FHIT: variants seen among roughly 807,000 people sequenced by gnomAD.
The protein encoded by FHIT is bis(5'-adenosyl)-triphosphatase.
A neutral mutation model predicts 17.9 loss-of-function variants in FHIT; 19 were observed. The ratio of observed to expected loss-of-function variants is 1.06; its 90% CI spans 0.74 to 1.56. FHIT has a LOEUF of 1.56. Among genes scored for constraint, FHIT ranks in the 40% most tolerant of loss-of-function variants. The pLI is 0.00. For missense variants in FHIT, 248 were observed against 189.2 expected, an observed-to-expected ratio of 1.31 and a Z score of -1.82; for synonymous variants, 81 against 69.7, an observed-to-expected ratio of 1.16 and a Z score of -0.81.
intron 7 of FHIT, among the ~76,000 whole-genome samples, chr3:60,005,350 G>A (rs1575863811): frequency 6.6e-6 from 1 of 152,160 alleles, no homozygotes; most frequent in Non-Finnish European, 1.5e-5. Flanking sequence ...GGGCCTGAGG[G>A]TTTAGTAGGA....
intron 7 of FHIT, among the ~76,000 whole-genome samples, chr3:59,962,606 C>T (rs1707738693): frequency 6.6e-6 from 1 of 152,212 alleles, no homozygotes; most frequent in Admixed American, 6.5e-5. Context: ...GTTTAATCCT[C>T]AGGCTTGTTG....
At chr3:60,175,087 T>C (rs1358667164) in intron 5 of FHIT, among the ~76,000 whole-genome samples, 3 of 152,214 alleles carry the variant, frequency 2.0e-5, no homozygotes, top group Non-Finnish European at 4.4e-5. Context: ...TCGAATTTTA[T>C]CTTCTGTGAC....
intron 2 of FHIT, among the ~76,000 whole-genome samples, chr3:61,149,189 T>C (rs1402362187): frequency 6.6e-6 from 1 of 152,136 alleles, no homozygotes; most frequent in African/African-American, 2.4e-5. Flanking sequence ...CCATTGAAAT[T>C]GGACCAGTGG....
intron 8 of FHIT, among the ~76,000 whole-genome samples, chr3:59,821,755 TAAAAA>T (rs915084587): frequency 3.3e-5 from 5 of 151,858 alleles, no homozygotes; most frequent in Admixed American, 1.3e-4. Flanking sequence ...AGTTTTTTTT[TAAAAA>T]AAATATATAA....
chr3:60,962,426 T>C (rs1259509025), intron 3 of FHIT, among the ~76,000 whole-genome samples: 3 of 152,214 alleles, frequency 2.0e-5, no homozygotes, highest in African/African-American at 7.2e-5. Flanking sequence ...CTTTATTTCT[T>C]TCTCTTGCCT....
chr3:60,079,276 A>T (rs1344313288), intron 5 of FHIT, among the ~76,000 whole-genome samples: 1 of 152,160 alleles, frequency 6.6e-6, no homozygotes, highest in East Asian at 1.9e-4. Context: ...TCAGGAGCAG[A>T]AACACAGGCT....
chr3:60,713,896 C>G (rs1317244944), intron 4 of FHIT, among the ~76,000 whole-genome samples: 2 of 151,302 alleles, frequency 1.3e-5, no homozygotes, highest in Non-Finnish European at 2.9e-5. Context: ...CTATTCCAAT[C>G]AATAGAAAAA....
intron 5 of FHIT, among the ~76,000 whole-genome samples, chr3:60,161,773 G>A (rs967308523): frequency 5.3e-5 from 8 of 152,072 alleles, no homozygotes; most frequent in African/African-American, 1.9e-4. Flanking sequence ...AAACAGGGCT[G>A]AAAGTCACAA....
chr3:60,849,463 T>TAA lies in FHIT; in HGVS notation c.-110-27454_-110-27453dup, dbSNP rs71092646. Among the ~76,000 whole-genome samples, 91 of 144,960 alleles carry TAA rather than the reference T, an allele frequency of 6.3e-4. No homozygotes were observed. The Middle Eastern group carries it at 0.014, about 23-fold the overall frequency. On this transcript the variant is annotated intron_variant, in intron 3 of 9. Transcript: ENST00000492590. ...TGAAATATATATATATATATATATA[T>TAA]AAAATTATTATGATTTCAAAAATAA...
At chr3:61,160,900 G>A (rs1490778151) in intron 2 of FHIT, among the ~76,000 whole-genome samples, 1 of 152,122 alleles carries the variant, frequency 6.6e-6, no homozygotes, top group Non-Finnish European at 1.5e-5. Context: ...CTACTGAATT[G>A]TCCAGTCTAT....
chr3:60,011,615 T>G (rs1354843304), intron 6 of FHIT, among the ~76,000 whole-genome samples: 1 of 152,210 alleles, frequency 6.6e-6, no homozygotes, highest in Non-Finnish European at 1.5e-5. Context: ...ATGATATAAA[T>G]TATCCAGCAA....
At chr3:60,625,994 G>T (rs2039274771) in intron 4 of FHIT, among the ~76,000 whole-genome samples, 1 of 152,170 alleles carries the variant, frequency 6.6e-6, no homozygotes, top group South Asian at 2.1e-4. Context: ...TTGTTTAAAA[G>T]GTTTTTACCA....
chr3:59,943,559 CT>C (rs1478981117), intron 7 of FHIT, among the ~76,000 whole-genome samples: 6 of 152,218 alleles, frequency 3.9e-5, no homozygotes, highest in Admixed American at 1.3e-4. Flanking sequence ...CTCAACTCTC[CT>C]TGTCTAATTA....
intron 7 of FHIT, among the ~76,000 whole-genome samples, chr3:59,953,621 G>C (rs1030480628): frequency 1.3e-5 from 2 of 152,106 alleles, no homozygotes; most frequent in Non-Finnish European, 2.9e-5. Context: ...AGAGTATTGA[G>C]CTGCCATAGA....
intron 1 of FHIT, among the ~76,000 whole-genome samples, chr3:61,204,878 G>C (rs1342019904): frequency 6.6e-6 from 1 of 152,064 alleles, no homozygotes; most frequent in African/African-American, 2.4e-5. Context: ...CAACGTGCAA[G>C]TTTGTTACAT....
At chr3:60,310,768 T>A (rs1206645162) in intron 5 of FHIT, among the ~76,000 whole-genome samples, 1 of 152,142 alleles carries the variant, frequency 6.6e-6, no homozygotes, top group Non-Finnish European at 1.5e-5. Flanking sequence ...TTTTGAAATT[T>A]ATTTCAAACT....
intron 2 of FHIT, among the ~76,000 whole-genome samples, chr3:61,184,595 G>C (rs1026049551): frequency 2.0e-5 from 3 of 152,120 alleles, no homozygotes; most frequent in African/African-American, 7.2e-5. Context: ...GAATCATCTT[G>C]AACCAGAAGG....
At chr3:60,088,955 G>C (rs988443575) in intron 5 of FHIT, among the ~76,000 whole-genome samples, 5 of 152,166 alleles carry the variant, frequency 3.3e-5, no homozygotes, top group Non-Finnish European at 5.9e-5. Flanking sequence ...ACAATTTCAA[G>C]GGTATATGCT....
At chr3:60,506,307 C>A (rs894564879) in intron 5 of FHIT, among the ~76,000 whole-genome samples, 1 of 152,138 alleles carries the variant, frequency 6.6e-6, no homozygotes, top group Non-Finnish European at 1.5e-5. Flanking sequence ...GGATCTGTAG[C>A]AACAAGTATA....
Sources: allele counts gnomAD v4.1 joint callset (sites outside exome capture counted in the v4.1 genomes callset), GRCh38; gene constraint gnomAD v4.1.1; transcripts MANE v1.5; gene names NCBI Gene and HGNC (gene_info 2026-07-23, HGNC 2026-07-21).